TXK: variants seen among roughly 807,000 people sequenced by gnomAD.
TXK encodes the protein TXK tyrosine kinase.
TXK carries 60 observed loss-of-function variants against 81.0 expected under a neutral mutation model. That is an observed-to-expected ratio of 0.74 (90% confidence interval 0.60 to 0.92). TXK has a LOEUF of 0.92. Among genes scored for constraint, TXK ranks in the 40% least tolerant of loss-of-function variants. TXK has a pLI of 0.00. For synonymous variants in TXK, 203 were observed against 210.7 expected, an observed-to-expected ratio of 0.96 and a Z score of 0.32; for missense variants, 581 against 638.3, an observed-to-expected ratio of 0.91 and a Z score of 0.97.
At chr4:48,089,469 T>A (rs1410115158) in intron 9 of TXK, 1 of 251,766 alleles carries the variant, frequency 4.0e-6, no homozygotes, top group Non-Finnish European at 8.1e-6. Context: ...CAGCTCACTG[T>A]AACCTCTGCC....
chr4:48,079,519 C>T (rs1023851651), intron 11 of TXK, among the ~76,000 whole-genome samples: 15 of 152,146 alleles, frequency 9.9e-5, no homozygotes, highest in Non-Finnish European at 1.9e-4. Flanking sequence ...AACCAATCAG[C>T]TCTCCTGGTT....
At chr4:48,110,515 G>A (rs1314480764) in intron 5 of TXK, 23 bp downstream of exon 5, 1 of 1,565,842 alleles carries the variant, frequency 6.4e-7, no homozygotes, top group Non-Finnish European at 8.8e-7. Context: ...ATTTTCATAG[G>A]TTATATTTTG....
At position 48,112,401 on chromosome 4, in the gene TXK, T is replaced by C; in HGVS notation, c.286A>G (p.Arg96Gly). 3.1e-6 allele frequency: 5 copies of C among 1,614,204 alleles called. No individual in the cohort carries two copies. Among genetic ancestry groups the C allele is most frequent in the Non-Finnish European group, 4.2e-6 (5 of 1,180,024 alleles). Residue 96 changes from arginine to glycine, a missense_variant, in exon 4 of 15, where the codon AGA (arginine) becomes GGA (glycine). By Grantham distance (125) the Arg-to-Gly change is moderately radical (BLOSUM62 -2). Coordinates refer to ENST00000264316, the MANE Select transcript of TXK (RefSeq NM_003328.3). ...QVKALYDFLP[R>G]EPCNLALRRA... is the part of the protein sequence containing the mutation. ...CTTAAGGCTAAATTACAGGGTTCTC[T>C]GGGCAGAAAATCATAAAGTGCCTTG...
At chr4:48,089,939 T>C in intron 8 of TXK, 115 bp from the exon 9 acceptor site, 1 of 679,248 alleles carries the variant, frequency 1.5e-6, no homozygotes. Context: ...AAATTCATTC[T>C]ACCAGTTAGT....
chr4:48,083,765 T>C (rs1243398376), intron 10 of TXK, among the ~76,000 whole-genome samples: 1 of 152,196 alleles, frequency 6.6e-6, no homozygotes, highest in Non-Finnish European at 1.5e-5. Context: ...GTTATATTAT[T>C]AGAGAGCTTG....
chr4:48,123,580 C>T (rs533026093), intron 1 of TXK, among the ~76,000 whole-genome samples: 1 of 152,282 alleles, frequency 6.6e-6, no homozygotes, highest in Admixed American at 6.5e-5. Context: ...CAACTCGTAC[C>T]TGTAATTTTG....
intron 1 of TXK, among the ~76,000 whole-genome samples, chr4:48,117,778 C>A (rs893994611): frequency 2.6e-5 from 4 of 152,196 alleles, no homozygotes; most frequent in Non-Finnish European, 4.4e-5. Context: ...TTGTATCCTA[C>A]AGGACCCTAC....
Position 48,114,335 on chromosome 4 carries a change from G to A in TXK, c.71+13C>T. 6.2e-7 allele frequency: 1 copy of A among 1,613,766 alleles called. No individual in the cohort carries two copies. The highest frequency in any genetic ancestry group is 8.5e-7 in the Non-Finnish European group (1 of 1,179,762). On this transcript the variant is annotated intron_variant, in intron 2 of 14. Transcript: ENST00000264316. Reference sequence around the variant, plus strand: ...ATTAATTTTCAAGAAATTGCCCTCGGAAGTAGACTTACCGCTTCTGCACTG... The same window carrying A: ...ATTAATTTTCAAGAAATTGCCCTCGAAAGTAGACTTACCGCTTCTGCACTG...
intron 1 of TXK, among the ~76,000 whole-genome samples, chr4:48,117,754 G>T (rs1487224106): frequency 6.6e-6 from 1 of 152,176 alleles, no homozygotes; most frequent in Non-Finnish European, 1.5e-5. Context: ...ATTTGCTGAT[G>T]GTTTAAGACT....
intron 1 of TXK, among the ~76,000 whole-genome samples, chr4:48,125,400 T>C (rs766390082): frequency 5.3e-5 from 8 of 152,198 alleles, no homozygotes; most frequent in Admixed American, 2.6e-4. Flanking sequence ...GGAGCAGGTG[T>C]GGTTTTCCCT....
chr4:48,071,640 T>C lies in TXK; in HGVS notation c.1392A>G (p.Lys464=). 1 of 1,614,132 alleles carries C rather than the reference T, an allele frequency of 6.2e-7. No homozygotes were observed. Among genetic ancestry groups the C allele is most frequent in the Non-Finnish European group, 8.5e-7 (1 of 1,180,018 alleles). Residue 464 remains lysine, a synonymous_variant, in exon 14 of 15, where the codon AAA becomes AAG. Transcript: ENST00000264316. The stretch of plus-strand genomic sequence containing the variant: ...AATTTGACTTATTTTCAAAAGGCAT[T>C]TTTCCTTCTGTAAAAACTTCCCACA... ...VLMWEVFTEG[K]MPFENKSNLQ...
In TXK at chr4:48,073,974, A is replaced by G; in HGVS notation, c.1318T>C (p.Phe440Leu). 1 of 1,613,948 alleles carries G rather than the reference A, an allele frequency of 6.2e-7. No individual in the cohort carries two copies. Among genetic ancestry groups the G allele is most frequent in the Non-Finnish European group, 8.5e-7 (1 of 1,179,860 alleles). Residue 440 changes from phenylalanine (F) to leucine (L), a missense_variant, in exon 13 of 15, where the codon TTC becomes CTC. Phe to Leu is a conservative substitution (Grantham distance 22). Transcript: ENST00000264316. ...IKWSPPEVFLFNKYSSKSDVW... is the reference protein window; with the variant it reads ...IKWSPPEVFLLNKYSSKSDVW... ...TCAGATTTACTGCTGTACTTATTGA[A>G]AAGAAAAACTTCAGGAGGGGACCAC...
chr4:48,074,039 T>C lies in TXK; in HGVS notation c.1253A>G (p.Asp418Gly). The change falls in exon 13 of 15, where the codon GAT (aspartate) becomes GGT (glycine). Residue 418 changes from aspartate to glycine, a missense_variant. Transcript: ENST00000264316. ...DFGMTRYVLDDEYVSSFGAKF... is the reference protein window; with the variant it reads ...DFGMTRYVLDGEYVSSFGAKF... ...GGCTCCAAAAGAACTGACATACTCA[T>C]CATCCAAAACGTACCTAAGTTTATC... The C allele has an allele frequency of 1.2e-6, 2 of 1,613,446 alleles. No homozygotes were observed. Among genetic ancestry groups the C allele is most frequent in the Non-Finnish European group, 1.7e-6 (2 of 1,179,528 alleles).
intron 14 of TXK, among the ~76,000 whole-genome samples, chr4:48,068,658 A>G (rs562166738): frequency 1.3e-5 from 2 of 152,296 alleles, no homozygotes; most frequent in East Asian, 3.9e-4. Flanking sequence ...ATTTTTTCCT[A>G]CTTCACTTAG....
chr4:48,134,219 G>A lies in TXK; in HGVS notation c.-49C>T. The A allele has an allele frequency of 6.2e-7, 1 of 1,606,140 alleles. No individual in the cohort carries two copies. Among genetic ancestry groups the A allele is most frequent in the Non-Finnish European group, 8.5e-7 (1 of 1,176,610 alleles). On this transcript the variant is annotated 5_prime_UTR_variant, in exon 1 of 15. Coordinates refer to ENST00000264316, the MANE Select transcript of TXK (RefSeq NM_003328.3). ...CACAACAGTCTTCAGTTCTTCTGCG[G>A]TGCTCTACTCACAAAAACACATCTT...
intron 11 of TXK, among the ~76,000 whole-genome samples, chr4:48,078,825 G>A (rs1399353313): frequency 6.6e-6 from 1 of 152,174 alleles, no homozygotes; most frequent in African/African-American, 2.4e-5. Flanking sequence ...ACTAAAACTG[G>A]AACTTGTTCT....
At chr4:48,112,040 T>C (rs1718648476) in intron 4 of TXK, among the ~76,000 whole-genome samples, 1 of 152,214 alleles carries the variant, frequency 6.6e-6, no homozygotes, top group African/African-American at 2.4e-5. Context: ...ATTTCCATTG[T>C]ACAAATAAAG....
Position 48,067,427 on chromosome 4 carries a change from A to C in TXK, c.*210T>G. ...GTGAAATATTTTACAGAAAAATAAG[A>C]GTGTGCAAATCCCTCTCACACATAG... On this transcript the variant is annotated 3_prime_UTR_variant, in exon 15 of 15. Coordinates refer to ENST00000264316, the MANE Select transcript of TXK (RefSeq NM_003328.3). 1.9e-6 allele frequency: 1 copy of C among 525,708 alleles called. No homozygotes were observed. The highest frequency in any genetic ancestry group is 3.4e-6 in the Non-Finnish European group (1 of 297,014). 32.6% of individuals were successfully genotyped at this position (525,708 alleles called of 1,614,324 possible).
chr4:48,106,150 T>G (rs1373551639), intron 5 of TXK: 4 of 152,222 alleles, frequency 2.6e-5, no homozygotes, highest in Non-Finnish European at 4.4e-5. Flanking sequence ...TTCTCTGTAT[T>G]GTTCCAATTT....
Sources: allele counts gnomAD v4.1 joint callset (sites outside exome capture counted in the v4.1 genomes callset), GRCh38; gene constraint gnomAD v4.1.1; transcripts MANE v1.5; gene names NCBI Gene and HGNC (gene_info 2026-07-23, HGNC 2026-07-21).